PRKG1: variants seen among roughly 807,000 people sequenced by gnomAD.
PRKG1 encodes protein kinase cGMP-dependent 1, also known as cGMP-dependent protein kinase 1.
Under a neutral mutation model 88.1 loss-of-function variants are expected in PRKG1, and 35 were observed. The ratio of observed to expected loss-of-function variants is 0.40; its 90% CI spans 0.30 to 0.53. The LOEUF is 0.53. Ranked by LOEUF, PRKG1 falls within the 20% of genes least tolerant of loss-of-function variation. The pLI is 0.59. For missense variants in PRKG1, 540 were observed against 839.8 expected, an observed-to-expected ratio of 0.64 and a Z score of 4.41; for synonymous variants, 303 against 292.5, an observed-to-expected ratio of 1.04 and a Z score of -0.37.
chr10:52,187,354 A>G (rs1023618709), intron 9 of PRKG1, among the ~76,000 whole-genome samples: 2 of 152,150 alleles, frequency 1.3e-5, no homozygotes, highest in African/African-American at 2.4e-5. Context: ...CCTGAGTTAC[A>G]GTAGTAAAAC....
At chr10:51,467,930 A>C in intron 3 of PRKG1, 94 bp downstream of exon 3, 1 of 1,035,386 alleles carries the variant, frequency 9.7e-7, no homozygotes, top group Non-Finnish European at 1.5e-6. Context: ...TAATCTTTAT[A>C]CTTTTATTTC....
At chr10:52,166,875 A>ATG (rs1838486744) in intron 9 of PRKG1, among the ~76,000 whole-genome samples, 1 of 50,960 alleles carries the variant, frequency 2.0e-5, no homozygotes, top group Non-Finnish European at 3.8e-5. Context: ...GTATATGTGT[A>ATG]TGTATACACA....
intron 7 of PRKG1, among the ~76,000 whole-genome samples, chr10:52,098,484 G>A (rs1847223130): frequency 6.6e-6 from 1 of 152,088 alleles, no homozygotes; most frequent in South Asian, 2.1e-4. Context: ...ATAAAATGTA[G>A]GGAAACAATA....
At chr10:51,353,275 C>A (rs1203885744) in intron 2 of PRKG1, among the ~76,000 whole-genome samples, 2 of 151,904 alleles carry the variant, frequency 1.3e-5, no homozygotes. Flanking sequence ...ACACAGGCAA[C>A]CAAAGCAAAA....
chr10:51,068,768 C>T (rs1843785427), intron 1 of PRKG1, among the ~76,000 whole-genome samples: 1 of 151,828 alleles, frequency 6.6e-6, no homozygotes, highest in Non-Finnish European at 1.5e-5. Context: ...ATTTAATATA[C>T]CAGAAGAATC....
At chr10:51,633,586 C>G (rs139012079) in intron 3 of PRKG1, among the ~76,000 whole-genome samples, 24 of 152,236 alleles carry the variant, frequency 1.6e-4, no homozygotes, top group African/African-American at 5.8e-4. Context: ...TAATGAATGA[C>G]AACTGGCATC....
At chr10:52,045,428 A>G (rs145499899) in intron 5 of PRKG1, among the ~76,000 whole-genome samples, 427 of 152,244 alleles carry the variant, frequency 2.8e-3, no homozygotes, top group Non-Finnish European at 4.4e-3. Flanking sequence ...TCACAACACC[A>G]GAAAGAGCAA....
Position 51,459,548 on chromosome 10 carries a change from G to A in PRKG1, c.479-8175G>A, listed in dbSNP as rs139003067. 4.9e-4 allele frequency among the ~76,000 whole-genome samples: 75 copies of A among 152,084 alleles called. 1 individual carries two copies. In the East Asian group the frequency reaches 0.013, roughly 27 times the overall value. ...ATTTTCTCTTTAAAAACTACTCAAC[G>A]TATATATTCTTTGTCTTGCTACATG... On this transcript the variant is annotated intron_variant, in intron 2 of 17. Coordinates refer to ENST00000373980, the MANE Select transcript of PRKG1 (RefSeq NM_006258.4).
At chr10:51,095,686 A>G (rs1339388454) in intron 1 of PRKG1, among the ~76,000 whole-genome samples, 2 of 152,168 alleles carry the variant, frequency 1.3e-5, no homozygotes, top group African/African-American at 4.8e-5. Flanking sequence ...TGTGATACTC[A>G]GTACTGGGGA....
rs528504872 is a variant in PRKG1 at position 51,408,707 on chromosome 10, AT to A, written c.479-59015del. On this transcript the variant is annotated intron_variant, in intron 2 of 17. Transcript: ENST00000373980. ...AGTGAGTGGAAGTCCGTGTTGATGA[AT>A]CCGTGTGTAACCTCCATCCCCGCCA... is the stretch of plus-strand genomic sequence containing the variant. Among the ~76,000 whole-genome samples, 236 of 152,280 alleles carry A rather than the reference AT, an allele frequency of 1.5e-3. 1 individual carries two copies. The highest frequency in any genetic ancestry group is 5.5e-3 in the African/African-American group (227 of 41,562).
intron 5 of PRKG1, among the ~76,000 whole-genome samples, chr10:51,955,090 T>G (rs529633648): frequency 3.3e-5 from 5 of 152,232 alleles, no homozygotes; most frequent in African/African-American, 1.2e-4. Flanking sequence ...AATTTTGTAG[T>G]TGGCTTTTTA....
chr10:51,723,119 A>G (rs573254146), intron 3 of PRKG1, among the ~76,000 whole-genome samples: 1 of 152,322 alleles, frequency 6.6e-6, no homozygotes, highest in South Asian at 2.1e-4. Flanking sequence ...TGGTCACCAT[A>G]CCACTTTCTG....
At chr10:52,147,350 T>C (rs913955275) in intron 8 of PRKG1, among the ~76,000 whole-genome samples, 2 of 152,184 alleles carry the variant, frequency 1.3e-5, no homozygotes, top group African/African-American at 2.4e-5. Flanking sequence ...AGCTAATTTA[T>C]AAATTTTCTC....
At chr10:51,366,886 C>T (rs1842600842) in intron 2 of PRKG1, among the ~76,000 whole-genome samples, 3 of 151,802 alleles carry the variant, frequency 2.0e-5, no homozygotes, top group South Asian at 2.1e-4. Flanking sequence ...GGTAAAAACA[C>T]ATGTCTAAGT....
intron 2 of PRKG1, among the ~76,000 whole-genome samples, chr10:51,449,473 GACTTTAT>G (rs1054908673): frequency 3.4e-5 from 5 of 148,318 alleles, no homozygotes; most frequent in Admixed American, 6.8e-5. Context: ...ACTTTTCATG[GACTTTAT>G]ACTTTATAGA....
At chr10:51,131,475 G>A (rs530473628) in intron 1 of PRKG1, among the ~76,000 whole-genome samples, 1 of 152,104 alleles carries the variant, frequency 6.6e-6, no homozygotes, top group Non-Finnish European at 1.5e-5. Flanking sequence ...GGCTGGGAGC[G>A]GTGGCTCATG....
At chr10:51,535,962 A>G (rs1163099078) in intron 3 of PRKG1, among the ~76,000 whole-genome samples, 1 of 152,054 alleles carries the variant, frequency 6.6e-6, no homozygotes, top group Non-Finnish European at 1.5e-5. Flanking sequence ...ACCTCAGGTG[A>G]TCCACCCGCC....
chr10:52,091,318 A>G (rs373789553), intron 7 of PRKG1, among the ~76,000 whole-genome samples: 5 of 151,982 alleles, frequency 3.3e-5, no homozygotes, highest in African/African-American at 1.2e-4. Flanking sequence ...GTTAGAGAAG[A>G]CTCTTGGTTT....
At chr10:52,209,343 A>T (rs1839899754) in intron 9 of PRKG1, among the ~76,000 whole-genome samples, 1 of 152,188 alleles carries the variant, frequency 6.6e-6, no homozygotes, top group African/African-American at 2.4e-5. Context: ...AAAGTATTAC[A>T]CTTCTTTTTA....
Sources: gnomAD v4.1 joint callset for allele counts (sites outside exome capture counted in the v4.1 genomes callset) on GRCh38, gnomAD v4.1.1 for gene constraint, MANE v1.5 for transcripts, NCBI Gene and HGNC (gene_info 2026-07-23, HGNC 2026-07-21) for gene names.